The following RNF144A variants were observed in gnomAD, a reference collection of about 807,000 sequenced individuals.
The protein encoded by RNF144A is ring finger protein 144A, also known as E3 ubiquitin-protein ligase RNF144A.
Under a neutral mutation model 38.7 loss-of-function variants are expected in RNF144A, and 11 were observed. The observed-to-expected ratio is 0.28, with a 90% CI of 0.18 to 0.47. RNF144A has a LOEUF of 0.47. Ranked by LOEUF, RNF144A falls within the 20% of genes least tolerant of loss-of-function variation. The pLI, the probability that RNF144A is intolerant of heterozygous loss-of-function variation, is 0.99. For synonymous variants in RNF144A, 149 were observed against 143.9 expected, an observed-to-expected ratio of 1.04 and a Z score of -0.25; for missense variants, 316 against 377.2, an observed-to-expected ratio of 0.84 and a Z score of 1.34.
At chr2:6,984,071 T>C (rs34393586) in intron 2 of RNF144A, among the ~76,000 whole-genome samples, 72,287 of 151,968 alleles carry the variant, frequency 0.48, 17,660 homozygotes, top group Non-Finnish European at 0.55. Flanking sequence ...TGCATTTTTC[T>C]GGTGCATCGG....
intron 3 of RNF144A, among the ~76,000 whole-genome samples, chr2:7,013,044 C>T (rs1670916314): frequency 6.6e-6 from 1 of 152,222 alleles, no homozygotes; most frequent in African/African-American, 2.4e-5. Context: ...TGAGGATTGC[C>T]TTGATTTTTG....
intron 2 of RNF144A, among the ~76,000 whole-genome samples, chr2:6,947,207 C>A (rs1322995182): frequency 6.6e-6 from 1 of 151,890 alleles, no homozygotes; most frequent in Non-Finnish European, 1.5e-5. Context: ...AATCCAAATT[C>A]TTCTGTTTTT....
chr2:6,996,895 T>C (rs776660775), intron 2 of RNF144A, 21 bp from the exon 3 acceptor site: 1 of 1,608,010 alleles, frequency 6.2e-7, no homozygotes, highest in South Asian at 1.1e-5. Flanking sequence ...GGTCTGACCT[T>C]CCGTGCTTCT....
rs919959934 is a variant in RNF144A, at chr2:6,944,154, G to A, written c.-12+3007G>A. On this transcript the variant is annotated intron_variant, in intron 2 of 8. Transcript: ENST00000320892. This position sits in a 1 kb window ranked among gnomAD's most constrained non-coding sequence, Gnocchi z 4.7. The stretch of plus-strand genomic sequence containing the variant: ...AGAGAGGACAGCGGGTCTGAGGGAG[G>A]AAGGAGCAGAGGAGGAGCCATTGGA... Among the ~76,000 whole-genome samples, 1 of 152,188 alleles carries A rather than the reference G, an allele frequency of 6.6e-6. No homozygotes were observed. Among genetic ancestry groups the A allele is most frequent in the Non-Finnish European group, 1.5e-5 (1 of 68,030 alleles).
intron 1 of RNF144A, among the ~76,000 whole-genome samples, chr2:6,928,421 A>G (rs1271000553): frequency 1.3e-5 from 2 of 152,204 alleles, no homozygotes; most frequent in African/African-American, 4.8e-5. Context: ...GATGGCACCG[A>G]ATGGATCTTG....
At position 7,020,351 on chromosome 2, in the gene RNF144A, G is replaced by A. The variant is rs1408723861; in HGVS notation, c.302-122G>A. The A allele has an allele frequency of 9.9e-6, 8 of 805,226 alleles. 1 individual carries two copies. The Admixed American group carries it at 1.3e-4, about 13-fold the overall frequency. The allele number at this position is 805,226 out of a possible 1,614,324, so 49.9% of individuals were successfully genotyped here. ...GGGCGGTGCTTCGGTTGGGGCTGGT[G>A]GTGCTGGCTGTATTACCTGGACATG... On this transcript the variant is annotated intron_variant, in intron 5 of 8. Coordinates refer to ENST00000320892, the MANE Select transcript of RNF144A (RefSeq NM_014746.6).
intron 2 of RNF144A, among the ~76,000 whole-genome samples, chr2:6,991,611 AC>A (rs1466230427): frequency 6.6e-6 from 1 of 152,186 alleles, no homozygotes; most frequent in African/African-American, 2.4e-5. Context: ...TGTGCAGGTT[AC>A]CCTAATCCTC....
chr2:6,997,164 G>A, intron 3 of RNF144A, 103 bp downstream of exon 3: 3 of 1,113,378 alleles, frequency 2.7e-6, no homozygotes, highest in Non-Finnish European at 4.0e-6. Context: ...CATTTTGCCT[G>A]ACAGTGGAGT....
intron 6 of RNF144A, among the ~76,000 whole-genome samples, chr2:7,053,281 G>T (rs990003760): frequency 6.6e-6 from 1 of 152,216 alleles, no homozygotes; most frequent in Non-Finnish European, 1.5e-5. Context: ...TGGATTTTCA[G>T]AAGATCCCCA....
chr2:6,973,998 C>A (rs1572307693), intron 2 of RNF144A, among the ~76,000 whole-genome samples: 1 of 152,316 alleles, frequency 6.6e-6, no homozygotes, highest in Middle Eastern at 3.4e-3. Context: ...TTGTTCACCA[C>A]AGAAGGAAAG....
chr2:7,025,680 A>T (rs1353658657), intron 7 of RNF144A, among the ~76,000 whole-genome samples: 1 of 152,200 alleles, frequency 6.6e-6, no homozygotes, highest in Non-Finnish European at 1.5e-5. Flanking sequence ...TCAAAAAATA[A>T]AAATAAATAA....
intron 2 of RNF144A, among the ~76,000 whole-genome samples, chr2:6,982,596 A>C (rs1190221186): frequency 1.3e-5 from 2 of 152,246 alleles, no homozygotes; most frequent in African/African-American, 4.8e-5. Flanking sequence ...AAAAACAACA[A>C]ACACATAAGC....
At chr2:7,028,849 G>A (rs1345703533) in intron 7 of RNF144A, among the ~76,000 whole-genome samples, 1 of 152,170 alleles carries the variant, frequency 6.6e-6, no homozygotes, top group Non-Finnish European at 1.5e-5. Context: ...ACAGAAGCGA[G>A]GCAGACAGTG....
At chr2:7,052,726 T>G (rs1673577438) in intron 6 of RNF144A, among the ~76,000 whole-genome samples, 1 of 152,106 alleles carries the variant, frequency 6.6e-6, no homozygotes, top group Non-Finnish European at 1.5e-5. Context: ...AGGTTTCTGT[T>G]GTAACATGGG....
intron 7 of RNF144A, among the ~76,000 whole-genome samples, chr2:7,025,313 C>T (rs1671813467): frequency 6.6e-6 from 1 of 152,230 alleles, no homozygotes; most frequent in South Asian, 2.1e-4. Flanking sequence ...AGGGCGTGGG[C>T]ATCTTGCCAA....
intron 1 of RNF144A, among the ~76,000 whole-genome samples, chr2:6,928,827 C>A (rs1211021723): frequency 1.3e-5 from 2 of 152,210 alleles, no homozygotes; most frequent in Admixed American, 1.3e-4. Context: ...CTTTTTCCTG[C>A]ATTCCCAGTG....
In RNF144A at chr2:6,944,208, C is replaced by T. The variant is rs1666195471; in HGVS notation, c.-12+3061C>T. Among the ~76,000 whole-genome samples, 1 of 151,948 alleles carries T rather than the reference C, an allele frequency of 6.6e-6. No homozygotes were observed. The highest frequency in any genetic ancestry group is 6.6e-5 in the Admixed American group (1 of 15,262). The stretch of plus-strand genomic sequence containing the variant: ...GCGGGAGGAGGCCGGGCACTATGGG[C>T]CTGGGGTGATGGAGAAAGGACCTGC... On this transcript the variant is annotated intron_variant, in intron 2 of 8. Coordinates refer to ENST00000320892, the MANE Select transcript of RNF144A (RefSeq NM_014746.6). The surrounding 1 kb of genome is among the most constrained non-coding windows in gnomAD (Gnocchi z 4.7).
intron 2 of RNF144A, chr2:6,978,584 T>G (rs1558400716): frequency 6.6e-6 from 1 of 152,618 alleles, no homozygotes; most frequent in Non-Finnish European, 1.5e-5. Flanking sequence ...GCCGGGGTTT[T>G]CTTGGGAATA....
At position 7,042,517 on chromosome 2, in the gene RNF144A, C is replaced by T. The variant is rs1307004700; in HGVS notation, c.*2757C>T. 14 of 985,400 alleles carry T rather than the reference C, an allele frequency of 1.4e-5. No individual in the cohort carries two copies. The highest frequency in any genetic ancestry group is 1.2e-4 in the Admixed American group (2 of 16,274). 61.0% of individuals were successfully genotyped at this position (985,400 alleles called of 1,614,324 possible). ...TAGACAACCATGGCTGCTGTACTGC[C>T]GCCCAGGGTGGGTGGCCAGTGAGGA... is the stretch of plus-strand genomic sequence containing the variant. On this transcript the variant is annotated 3_prime_UTR_variant, in exon 9 of 9. Coordinates refer to ENST00000320892, the MANE Select transcript of RNF144A (RefSeq NM_014746.6).
Sources: gnomAD v4.1 joint callset for allele counts (sites outside exome capture counted in the v4.1 genomes callset) on GRCh38, gnomAD v4.1.1 for gene constraint, Gnocchi (gnomAD v3.1) non-coding constraint, MANE v1.5 for transcripts, NCBI Gene and HGNC (gene_info 2026-07-23, HGNC 2026-07-21) for gene names.